Variants in SLC37A3 observed in about 807,000 individuals in gnomAD.
SLC37A3 encodes the protein solute carrier family 37 member 3.
In SLC37A3, 51 loss-of-function variants were observed where a neutral mutation model predicts 67.1. The ratio of observed to expected loss-of-function variants is 0.76; its 90% confidence interval spans 0.61 to 0.96. The LOEUF is 0.96. Among genes scored for constraint, SLC37A3 ranks in the 40% least tolerant of loss-of-function variants. SLC37A3 has a pLI of 0.00. For missense variants in SLC37A3, 508 were observed against 603.0 expected (o/e 0.84, Z 1.65); for synonymous variants, 214 against 231.4 (o/e 0.92, Z 0.68).
chr7:140,365,447 G>A (rs1480600844), intron 4 of SLC37A3, among the ~76,000 whole-genome samples: 1 of 152,044 alleles, frequency 6.6e-6, no homozygotes, highest in African/African-American at 2.4e-5. Flanking sequence ...TTGGCCGAGT[G>A]CAGTAGCTCA....
chr7:140,365,919 C>CTTTTTTT (rs71170981), intron 4 of SLC37A3, among the ~76,000 whole-genome samples: 1 of 43,876 alleles, frequency 2.3e-5, no homozygotes, highest in Non-Finnish European at 3.8e-5. Flanking sequence ...ACAATACATG[C>CTTTTTTT]TTTTTTTTTT....
At position 140,380,304 on chromosome 7, in the gene SLC37A3, G is replaced by T. The variant is rs774256728; in HGVS notation, c.176C>A (p.Thr59Lys). The change falls in exon 3 of 15, where the codon ACG (threonine) becomes AAG (lysine). Residue 59 changes from threonine to lysine, a missense_variant. Transcript: ENST00000326232. Reference sequence around the variant, plus strand: ...TACCTCCACAGGCAGCTCAACTGACGTGTTAAAAGCACTTGGGGTCCACTG... The same window carrying T: ...TACCTCCACAGGCAGCTCAACTGACTTGTTAAAAGCACTTGGGGTCCACTG... ...SEQWTPSAFN[T>K]SVELPVEIWS... 1.2e-6 allele frequency: 2 copies of T among 1,612,404 alleles called. No individual in the cohort carries two copies.
At chr7:140,356,887 C>T (rs6967815) in intron 6 of SLC37A3, among the ~76,000 whole-genome samples, 63,256 of 151,878 alleles carry the variant, frequency 0.42, 13,470 homozygotes, top group Non-Finnish European at 0.46. Flanking sequence ...TAAAATGGTA[C>T]GACCACCTTG....
At chr7:140,392,919 A>G (rs1798776548) in intron 1 of SLC37A3, among the ~76,000 whole-genome samples, 1 of 152,020 alleles carries the variant, frequency 6.6e-6, no homozygotes, top group Non-Finnish European at 1.5e-5. Flanking sequence ...TGATGAAACT[A>G]TGTCTCTACT....
intron 10 of SLC37A3, 29 bp downstream of exon 10, chr7:140,348,597 A>C: frequency 6.3e-7 from 1 of 1,583,234 alleles, no homozygotes; most frequent in Non-Finnish European, 8.5e-7. Context: ...CTAACTCTTT[A>C]TTATGGAAAA....
rs1348742538 is a variant in SLC37A3, at chr7:140,351,431, C to T, written c.724G>A (p.Glu242Lys). 6.2e-7 allele frequency: 1 copy of T among 1,613,978 alleles called. No individual in the cohort carries two copies. Among genetic ancestry groups the T allele is most frequent in the African/African-American group, 1.3e-5 (1 of 74,924 alleles). ...EEIGLSGIEAEENFEEDSHRP... is the reference protein window; with the variant it reads ...EEIGLSGIEAKENFEEDSHRP... ...TGTGAGTCTTCTTCAAAGTTTTCTT[C>T]TGCCTCAATACCCGAGAGACCTAAA... is the stretch of plus-strand genomic sequence containing the variant. The change falls in exon 9 of 15, where the codon GAA becomes AAA. Residue 242 changes from glutamate to lysine, a missense_variant. Glu to Lys is a moderately conservative substitution (Grantham distance 56, BLOSUM62 1). Coordinates refer to ENST00000326232, the MANE Select transcript of SLC37A3 (RefSeq NM_207113.3).
At chr7:140,351,690 G>T in intron 8 of SLC37A3, 1 of 574,578 alleles carries the variant, frequency 1.7e-6, no homozygotes, top group Non-Finnish European at 3.1e-6. Context: ...TATGTAATCT[G>T]TATTTAACTA....
At chr7:140,348,301 A>G (rs1234551381) in intron 10 of SLC37A3, among the ~76,000 whole-genome samples, 1 of 152,198 alleles carries the variant, frequency 6.6e-6, no homozygotes, top group Non-Finnish European at 1.5e-5. Flanking sequence ...AGAAAGCCGT[A>G]TGAAAGGATT....
intron 6 of SLC37A3, 38 bp from the exon 7 acceptor site, chr7:140,355,802 C>A: frequency 6.4e-7 from 1 of 1,560,514 alleles, no homozygotes; most frequent in South Asian, 1.1e-5. Flanking sequence ...GGGCCATGGT[C>A]AGAAGAGATA....
chr7:140,369,626 G>T lies in SLC37A3; in HGVS notation c.255C>A (p.Gly85=), dbSNP rs113110951. ...PSAEKATLFL[G]TLDTIFLFSY... ...AGAAGAGGAAAATGGTATCCAGTGTGCCGAGGAAAAGAGTCGCTTTCTCTG... is the reference window on the plus strand; with the variant it reads ...AGAAGAGGAAAATGGTATCCAGTGTTCCGAGGAAAAGAGTCGCTTTCTCTG... Residue 85 remains glycine, a synonymous_variant, in exon 4 of 15, where the codon GGC becomes GGA. Coordinates refer to ENST00000326232, the MANE Select transcript of SLC37A3 (RefSeq NM_207113.3). The T allele has an allele frequency of 3.3e-3, 5,389 of 1,614,016 alleles. 148 individuals carry two copies. The South Asian group carries it at 0.045, about 14-fold the overall frequency.
chr7:140,395,379 TAAAAA>T (rs35674101), intron 1 of SLC37A3, among the ~76,000 whole-genome samples: 3 of 77,804 alleles, frequency 3.9e-5, no homozygotes, highest in East Asian at 3.7e-4. Context: ...CATCTCAAAT[TAAAAA>T]AAAAAAAAAA....
chr7:140,352,035 G>A (rs748612522), intron 8 of SLC37A3, 27 bp downstream of exon 8: 10 of 1,592,938 alleles, frequency 6.3e-6, no homozygotes, highest in Middle Eastern at 1.7e-4. Context: ...TAAGACATTC[G>A]GAATAGAAGG....
chr7:140,393,931 G>A (rs1563058284), intron 1 of SLC37A3, among the ~76,000 whole-genome samples: 1 of 152,178 alleles, frequency 6.6e-6, no homozygotes, highest in Non-Finnish European at 1.5e-5. Context: ...AACAGTTTGG[G>A]AGGCCAAGGC....
intron 5 of SLC37A3, 32 bp from the exon 6 acceptor site, chr7:140,358,817 A>ACAGC (rs143362396): frequency 6.2e-7 from 1 of 1,612,622 alleles, no homozygotes; most frequent in East Asian, 2.2e-5. Context: ...GGAATATGTA[A>ACAGC]CAGCCACACT....
At chr7:140,390,322 G>A (rs1045252414) in intron 1 of SLC37A3, among the ~76,000 whole-genome samples, 19 of 151,860 alleles carry the variant, frequency 1.3e-4, no homozygotes, top group African/African-American at 2.4e-4. Flanking sequence ...AGCAAGCCTC[G>A]TATCTTTCCT....
At chr7:140,355,164 G>T in intron 7 of SLC37A3, among the ~76,000 whole-genome samples, 1 of 150,222 alleles carries the variant, frequency 6.7e-6, no homozygotes, top group African/African-American at 2.4e-5. Context: ...TATATCAGAA[G>T]TTTATCTACT....
At chr7:140,346,415 CTCCATAACT>C (rs1401830544) in intron 10 of SLC37A3, among the ~76,000 whole-genome samples, 1 of 151,960 alleles carries the variant, frequency 6.6e-6, no homozygotes, top group Admixed American at 6.6e-5. Flanking sequence ...AAAAGGGGTC[CTCCATAACT>C]TCCTTTTAGG....
chr7:140,379,643 A>G (rs1272667876), intron 3 of SLC37A3, among the ~76,000 whole-genome samples: 1 of 151,714 alleles, frequency 6.6e-6, no homozygotes, highest in African/African-American at 2.4e-5. Context: ...TTATAATCCC[A>G]ACCCTTTGGG....
chr7:140,360,388 TCA>T (rs1797217791), intron 5 of SLC37A3, among the ~76,000 whole-genome samples: 2 of 152,040 alleles, frequency 1.3e-5, no homozygotes, highest in African/African-American at 2.4e-5. Flanking sequence ...CTCCATGGTT[TCA>T]TTTAATCAAC....
Sources: allele counts gnomAD v4.1 joint callset (sites outside exome capture counted in the v4.1 genomes callset), GRCh38; gene constraint gnomAD v4.1.1; transcripts MANE v1.5; gene names NCBI Gene and HGNC (gene_info 2026-07-23, HGNC 2026-07-21).